The following PARP1 variants were observed in gnomAD, a reference collection of about 807,000 sequenced individuals.
The protein encoded by PARP1 is poly(ADP-ribose) polymerase 1, also known as poly [ADP-ribose] polymerase 1.
Under a neutral mutation model 118.7 loss-of-function variants are expected in PARP1, and 44 were observed. The ratio of observed to expected loss-of-function variants is 0.37; its 90% CI spans 0.29 to 0.48. The LOEUF is 0.48. PARP1 is among the 20% of genes least tolerant of loss of function. The probability of loss-of-function intolerance (pLI) is 0.99; values close to 1 mark genes in which losing one functional copy is unlikely to be tolerated. For missense variants in PARP1, 1,100 were observed against 1,272.4 expected (o/e 0.86, Z 2.06); for synonymous variants, 492 against 483.2 (o/e 1.02, Z -0.24).
intron 2 of PARP1, among the ~76,000 whole-genome samples, chr1:226,395,462 G>A (rs1268603234): frequency 6.6e-6 from 1 of 152,050 alleles, no homozygotes. Flanking sequence ...GGCCCATGTG[G>A]TGAAACCTTG....
At position 226,378,851 on chromosome 1, in the gene PARP1, T is replaced by C. The variant is rs1320398495; in HGVS notation, c.1745+291A>G. Among the ~76,000 whole-genome samples the C allele has an allele frequency of 2.6e-5, 4 of 152,132 alleles. No individual in the cohort carries two copies. The East Asian group carries it at 5.8e-4, about 22-fold the overall frequency. Reference sequence around the variant, plus strand: ...CTATTTCAAAAAACAAAACAAATAGTTGCAAAACAACAACAAAAAACAAAA... The same window carrying C: ...CTATTTCAAAAAACAAAACAAATAGCTGCAAAACAACAACAAAAAACAAAA... On this transcript the variant is annotated intron_variant, in intron 12 of 22. Coordinates refer to ENST00000366794, the MANE Select transcript of PARP1 (RefSeq NM_001618.4).
At chr1:226,403,939 T>C (rs892586627) in intron 1 of PARP1, among the ~76,000 whole-genome samples, 8 of 152,192 alleles carry the variant, frequency 5.3e-5, no homozygotes, top group African/African-American at 1.9e-4. Flanking sequence ...TACCCCACTA[T>C]CTCTCTCCAC....
Position 226,386,448 on chromosome 1 carries a change from G to T in PARP1, c.718-6C>A. The T allele has an allele frequency of 1.9e-6, 3 of 1,580,442 alleles. No individual in the cohort carries two copies. The highest frequency in any genetic ancestry group is 1.1e-5 in the South Asian group (1 of 90,394). On this transcript the variant is annotated splice_region_variant and splice_polypyrimidine_tract_variant and intron_variant, in intron 5 of 22. Coordinates refer to ENST00000366794, the MANE Select transcript of PARP1 (RefSeq NM_001618.4). ...CAGATCAGGTCGTTCTGAGCCTATGGACAAGACCCAGTGGCTGAGAGGCTA... is the reference window on the plus strand; with the variant it reads ...CAGATCAGGTCGTTCTGAGCCTATGTACAAGACCCAGTGGCTGAGAGGCTA...
At chr1:226,392,789 T>C in intron 2 of PARP1, 1 of 702,364 alleles carries the variant, frequency 1.4e-6, no homozygotes, top group Non-Finnish European at 2.3e-6. Context: ...AAGGTATCAT[T>C]TCAAATTAGT....
chr1:226,402,985 C>G (rs1190645947), intron 1 of PARP1, among the ~76,000 whole-genome samples: 2 of 152,250 alleles, frequency 1.3e-5, no homozygotes, highest in Non-Finnish European at 2.9e-5. Context: ...GAATGGAGGT[C>G]TTTGAGGCAA....
chr1:226,379,495 C>A, intron 11 of PARP1, 78 bp downstream of exon 11: 2 of 1,247,008 alleles, frequency 1.6e-6, no homozygotes, highest in East Asian at 2.3e-5. Flanking sequence ...ATGCTGCGGG[C>A]ATTTGGATGT....
chr1:226,390,640 T>C lies in PARP1; in HGVS notation c.403-16A>G, dbSNP rs1664806389. The C allele has an allele frequency of 6.2e-7, 1 of 1,610,804 alleles. No individual in the cohort carries two copies. The highest frequency in any genetic ancestry group is 8.5e-7 in the Non-Finnish European group (1 of 1,177,262). On this transcript the variant is annotated splice_polypyrimidine_tract_variant and intron_variant, in intron 3 of 22. Transcript: ENST00000366794. ...GCACCTGGCCCTGCAGGAAAAACCA[T>C]ATGTGGTACCAAGGGAGCGACAAGC...
rs1018566944 is a variant in PARP1, at chr1:226,360,692, A to G, written c.*768T>C. ...GAGACCAGACACGCAATACACAAAT[A>G]GAGAAGGCATCTGCATTTTTAATCG... On this transcript the variant is annotated 3_prime_UTR_variant, in exon 23 of 23. Transcript: ENST00000366794. The G allele has an allele frequency of 1.4e-5, 3 of 218,182 alleles. No individual in the cohort carries two copies. The highest frequency in any genetic ancestry group is 2.8e-5 in the Non-Finnish European group (3 of 108,610). The allele number at this position is 218,182 out of a possible 1,614,324, so 13.5% of individuals were successfully genotyped here. A position where few individuals can be genotyped will look rare whatever the true frequency, so the allele number is the denominator to read the frequency against.
chr1:226,381,815 C>T (rs1159076834), intron 8 of PARP1, among the ~76,000 whole-genome samples: 2 of 152,190 alleles, frequency 1.3e-5, no homozygotes, highest in Admixed American at 6.5e-5. Flanking sequence ...AGGTGACACC[C>T]GTCCAGAACT....
intron 5 of PARP1, among the ~76,000 whole-genome samples, chr1:226,387,946 TTTTAA>T (rs1483330828): frequency 4.6e-5 from 7 of 152,218 alleles, no homozygotes; most frequent in East Asian, 3.9e-4. Context: ...CAGAAACTGC[TTTTAA>T]TTTTAGTACC....
rs3219054 is a variant in PARP1, at chr1:226,386,284, C to T, written c.834+42G>A. ...GACAGTCACTCCACAACGACGGGGT[C>T]GGCCTCACATGCGTGTCCCACTTAA... is the stretch of plus-strand genomic sequence containing the variant. On this transcript the variant is annotated intron_variant, in intron 6 of 22. Transcript: ENST00000366794. 5,448 of 1,177,978 alleles carry T rather than the reference C, an allele frequency of 4.6e-3. 189 individuals are homozygous for T. The African/African-American group carries it at 0.07, about 15-fold the overall frequency. The allele number at this position is 1,177,978 out of a possible 1,614,324, so 73.0% of individuals were successfully genotyped here. A position where few individuals can be genotyped will look rare whatever the true frequency, so the allele number is the denominator to read the frequency against.
rs367930097 is a variant in PARP1, at chr1:226,361,952, T to C, written c.2963+17A>G. 2.3e-5 allele frequency: 33 copies of C among 1,405,724 alleles called. No homozygotes were observed. In the African/African-American group the frequency reaches 4.4e-4, roughly 19 times the overall value. The allele number at this position is 1,405,724 out of a possible 1,614,324, so 87.1% of individuals were successfully genotyped here. A position where few individuals can be genotyped will look rare whatever the true frequency, so the allele number is the denominator to read the frequency against. ...AACATCCCTTTGTGCTCACACAGCA[T>C]ACTCAAGAAAGGATACTCGTTATAT... On this transcript the variant is annotated intron_variant, in intron 22 of 22. Coordinates refer to ENST00000366794, the MANE Select transcript of PARP1 (RefSeq NM_001618.4).
At chr1:226,392,861 A>C in intron 2 of PARP1, 1 of 1,481,776 alleles carries the variant, frequency 6.7e-7, no homozygotes, top group Non-Finnish European at 9.0e-7. Context: ...ATTTGGGACA[A>C]AAACTGGATT....
At chr1:226,371,894 C>G (rs1664390028) in intron 14 of PARP1, among the ~76,000 whole-genome samples, 2 of 152,236 alleles carry the variant, frequency 1.3e-5, no homozygotes, top group African/African-American at 4.8e-5. Context: ...TGGGCTCCAT[C>G]CACACAGGCC....
intron 14 of PARP1, among the ~76,000 whole-genome samples, chr1:226,372,225 C>A (rs945752875): frequency 6.6e-6 from 1 of 152,234 alleles, no homozygotes; most frequent in Non-Finnish European, 1.5e-5. Flanking sequence ...CACATGGTTA[C>A]CCCAATCCCA....
intron 9 of PARP1, 52 bp from the exon 10 acceptor site, chr1:226,380,216 G>C: frequency 6.4e-7 from 1 of 1,568,154 alleles, no homozygotes; most frequent in Non-Finnish European, 8.8e-7. Flanking sequence ...AAACAAAACT[G>C]AAACTTCAAA....
chr1:226,367,106 T>C, intron 17 of PARP1: 1 of 314,014 alleles, frequency 3.2e-6, no homozygotes, highest in South Asian at 3.1e-5. Context: ...GTAATAAGTC[T>C]TCTAAAAGTT....
chr1:226,370,105 G>A (rs1184001442), intron 15 of PARP1, among the ~76,000 whole-genome samples: 5 of 151,700 alleles, frequency 3.3e-5, no homozygotes, highest in Admixed American at 6.6e-5. Context: ...TAGTAACCCC[G>A]AGGGAGTCCT....
Position 226,367,528 on chromosome 1 carries a change from G to A in PARP1, c.2358C>T (p.Ser786=). Residue 786 remains serine (S), a synonymous_variant, in exon 17 of 23, where the codon AGC becomes AGT. Transcript: ENST00000366794. ...SLLRGGSDDS[S]KDPIDVNYEK... ...CATAGTTGACATCGATGGGATCCTT[G>A]CTGCTATCATCAGACCCTCCCCTGA... 1 of 1,614,132 alleles carries A rather than the reference G, an allele frequency of 6.2e-7. No individual in the cohort carries two copies.
Sources: gnomAD v4.1 joint callset for allele counts (sites outside exome capture counted in the v4.1 genomes callset) on GRCh38, gnomAD v4.1.1 for gene constraint, MANE v1.5 for transcripts, NCBI Gene and HGNC (gene_info 2026-07-23, HGNC 2026-07-21) for gene names.